The following RET variants were observed in gnomAD, a reference collection of about 807,000 sequenced individuals.
RET encodes proto-oncogene tyrosine-protein kinase receptor Ret.
A neutral mutation model predicts 118.3 loss-of-function variants in RET; 19 were observed. That is an observed-to-expected ratio of 0.16 (90% CI 0.11 to 0.24). The LOEUF (loss-of-function observed/expected upper bound fraction) is 0.24, where lower values mean the gene tolerates loss of function less well. Ranked by LOEUF, RET falls within the 10% of genes least tolerant of loss-of-function variation. The probability of loss-of-function intolerance (pLI) is 1.00; values close to 1 mark genes in which losing one functional copy is unlikely to be tolerated. For synonymous variants in RET, 597 were observed against 644.1 expected (o/e 0.93, Z 1.11); for missense variants, 1,219 against 1,502.1 (o/e 0.81, Z 3.12).
Position 43,129,077 on chromosome 10 carries a change from A to T in RET, c.*808A>T. ...TGAGCAGCCACTACCCCTGATGAGA[A>T]CAGTATGAAGAAAGGGGGCTGTTGG... is the stretch of plus-strand genomic sequence containing the variant. On this transcript the variant is annotated 3_prime_UTR_variant, in exon 20 of 20. Transcript: ENST00000355710. 4.3e-6 allele frequency: 1 copy of T among 233,660 alleles called. No individual in the cohort carries two copies. Among genetic ancestry groups the T allele is most frequent in the Non-Finnish European group, 8.5e-6 (1 of 118,216 alleles). The allele number at this position is 233,660 out of a possible 1,614,324, so 14.5% of individuals were successfully genotyped here. A position where few individuals can be genotyped will look rare whatever the true frequency, so the allele number is the denominator to read the frequency against.
In RET at chr10:43,129,649, T is replaced by TA. The variant is rs1838406657; in HGVS notation, c.*1383dup. The TA allele has an allele frequency of 3.6e-6, 1 of 274,426 alleles. No homozygotes were observed. 17.0% of individuals were successfully genotyped at this position (274,426 alleles called of 1,614,324 possible). ...CAAAACACTGCCTGCTCTTCAGACTTAAAGCACTGATAGGACTTAAAATAG... is the reference window on the plus strand; with the variant it reads ...CAAAACACTGCCTGCTCTTCAGACTTAAAAGCACTGATAGGACTTAAAATAG... On this transcript the variant is annotated 3_prime_UTR_variant, in exon 20 of 20. Transcript: ENST00000355710.
In RET at chr10:43,112,129, C is replaced by T. The variant is rs2132797325; in HGVS notation, c.1553C>T (p.Ser518Phe). The change falls in exon 8 of 20, where the codon TCC becomes TTC. Residue 518 changes from serine to phenylalanine, a missense_variant. Transcript: ENST00000355710. ...YVAEEAGCPLSCAVSKRRLEC... is the reference protein window; with the variant it reads ...YVAEEAGCPLFCAVSKRRLEC... ...GCCGAGGAGGCGGGCTGCCCCCTGT[C>T]CTGTGCAGTCAGCAAGAGACGGCTG... is the stretch of plus-strand genomic sequence containing the variant. 1.2e-6 allele frequency: 2 copies of T among 1,601,066 alleles called. No individual in the cohort carries two copies. Among genetic ancestry groups the T allele is most frequent in the Non-Finnish European group, 1.7e-6 (2 of 1,173,860 alleles).
At position 43,105,027 on chromosome 10, in the gene RET, G is replaced by C; in HGVS notation, c.701G>C (p.Arg234Pro). ...CGCTGGGCCCTGGACCGCGAGCAGC[G>C]GGAGAAGTACGAGCTGGTGGCCGTG... ...STRWALDREQ[R>P]EKYELVAVCT... The change falls in exon 4 of 20, where the codon CGG becomes CCG. Residue 234 changes from arginine to proline, a missense_variant. Arg to Pro is a moderately radical substitution (Grantham distance 103). This residue lies in a region of RET where 850 missense variants were observed against 969.6 expected (regional missense o/e 0.88). Transcript: ENST00000355710. The C allele has an allele frequency of 6.2e-7, 1 of 1,603,448 alleles. No homozygotes were observed. Among genetic ancestry groups the C allele is most frequent in the Non-Finnish European group, 8.5e-7 (1 of 1,178,656 alleles).
intron 6 of RET, 142 bp from the exon 7 acceptor site, chr10:43,111,065 G>T: frequency 1.7e-6 from 2 of 1,165,538 alleles, no homozygotes; most frequent in East Asian, 2.5e-5. Flanking sequence ...GAGGGGTGGA[G>T]GACAGGGTGC....
intron 1 of RET, among the ~76,000 whole-genome samples, chr10:43,097,622 G>A (rs946625347): frequency 1.3e-5 from 2 of 152,138 alleles, no homozygotes; most frequent in Non-Finnish European, 2.9e-5. Context: ...ACCCTCTGTC[G>A]CCAGAAATGC....
At chr10:43,079,538 T>A (rs917932752) in intron 1 of RET, among the ~76,000 whole-genome samples, 1 of 152,200 alleles carries the variant, frequency 6.6e-6, no homozygotes, top group Non-Finnish European at 1.5e-5. Context: ...GGAAACTGAG[T>A]CTCAGCTTCT....
chr10:43,086,562 G>A (rs1837292608), intron 1 of RET, among the ~76,000 whole-genome samples: 1 of 152,222 alleles, frequency 6.6e-6, no homozygotes, highest in Non-Finnish European at 1.5e-5. Context: ...AATCAGCTGG[G>A]GCAGACTCTA....
intron 1 of RET, among the ~76,000 whole-genome samples, chr10:43,080,201 TATG>T (rs1800760130): frequency 6.6e-6 from 1 of 152,170 alleles, no homozygotes; most frequent in African/African-American, 2.4e-5. Flanking sequence ...AATTAAAAAT[TATG>T]ATATCTGTTA....
Position 43,102,453 on chromosome 10 carries a change from T to G in RET, c.449T>G (p.Phe150Cys). The stretch of plus-strand genomic sequence containing the variant: ...TGTGCCCGCGTATACTTCTCCTTCT[T>G]CAACACCTCCTTTCCAGCCTGCAGC... ...PGCARVYFSF[F>C]NTSFPACSSL... Residue 150 changes from phenylalanine (F) to cysteine (C), a missense_variant, in exon 3 of 20, where the codon TTC (phenylalanine) becomes TGC (cysteine). This residue lies in a region of RET where 850 missense variants were observed against 969.6 expected (regional missense o/e 0.88). Transcript: ENST00000355710. 1 of 1,614,236 alleles carries G rather than the reference T, an allele frequency of 6.2e-7. No individual in the cohort carries two copies. The highest frequency in any genetic ancestry group is 1.1e-5 in the South Asian group (1 of 91,084).
chr10:43,080,112 T>TC (rs1328811746), intron 1 of RET, among the ~76,000 whole-genome samples: 1 of 152,238 alleles, frequency 6.6e-6, no homozygotes, highest in Non-Finnish European at 1.5e-5. Flanking sequence ...AATCACTGTT[T>TC]CCTTGGTGGT....
chr10:43,113,400 G>A (rs1031838122), intron 9 of RET, among the ~76,000 whole-genome samples, 156 bp from the exon 10 acceptor site: 1 of 152,190 alleles, frequency 6.6e-6, no homozygotes, highest in Admixed American at 6.5e-5. Context: ...ACCAAGCCCT[G>A]CCCGGCTAAG....
Position 43,077,276 on chromosome 10 carries a change from CGGTGCCGCGGGGCTGCGTCT to C in RET, c.20_39del (p.Gly7AlafsTer48). The C allele has an allele frequency of 6.6e-7, 1 of 1,506,450 alleles. No individual in the cohort carries two copies. The highest frequency in any genetic ancestry group is 8.8e-7 in the Non-Finnish European group (1 of 1,133,110). 93.3% of individuals were successfully genotyped at this position (1,506,450 alleles called of 1,614,324 possible). On this transcript the variant is annotated frameshift_variant, in exon 1 of 20. Transcript: ENST00000355710. LOFTEE classifies it high-confidence loss of function. ...CACGGGCGATGGCGAAGGCGACGTC[CGGTGCCGCGGGGCTGCGTCT>C]GCTGTTGCTGCTGCTGCTGCCGCTG...
intron 18 of RET, 42 bp downstream of exon 18, chr10:43,125,024 G>A (rs754685573): frequency 6.3e-7 from 1 of 1,586,450 alleles, no homozygotes. Context: ...AAAGTGGCTT[G>A]GGGAGACTCC....
chr10:43,120,021 G>A (rs1160477471), intron 14 of RET, 60 bp from the exon 15 acceptor site: 12 of 1,605,336 alleles, frequency 7.5e-6, no homozygotes, highest in Admixed American at 5.1e-5. Flanking sequence ...ACACCAGGCT[G>A]AGCCAGTGAC....
At chr10:43,102,030 CT>C (rs1837652426) in intron 2 of RET, among the ~76,000 whole-genome samples, 1 of 152,174 alleles carries the variant, frequency 6.6e-6, no homozygotes, top group Non-Finnish European at 1.5e-5. Context: ...CTGGTCACCC[CT>C]TACTGGAGAA....
chr10:43,102,268 TC>T, intron 2 of RET, 73 bp from the exon 3 acceptor site: 1 of 1,584,020 alleles, frequency 6.3e-7, no homozygotes, highest in Non-Finnish European at 8.6e-7. Flanking sequence ...GCCCTGGAGC[TC>T]CTGCCTCCTC....
In RET at chr10:43,119,877, T is replaced by C. The variant is rs142383168; in HGVS notation, c.2607+132T>C. On this transcript the variant is annotated intron_variant, in intron 14 of 19. Transcript: ENST00000355710. ...ACTCTAGCCCACCATGCCCCTGCCA[T>C]GGCATGCCATGCTATGGCTCACCAC... 216 of 1,258,040 alleles carry C rather than the reference T, an allele frequency of 1.7e-4. 1 individual carries two copies. In the African/African-American group the frequency reaches 2.9e-3, roughly 17 times the overall value. The allele number at this position is 1,258,040 out of a possible 1,614,324, so 77.9% of individuals were successfully genotyped here.
At chr10:43,119,972 A>G (rs1588877586) in intron 14 of RET, 109 bp from the exon 15 acceptor site, 1 of 1,518,102 alleles carries the variant, frequency 6.6e-7, no homozygotes, top group East Asian at 2.4e-5. Context: ...AGGTCTCACC[A>G]GGCCGCTACC....
In RET at chr10:43,114,498, T is replaced by C. The variant is rs2132844396; in HGVS notation, c.1898T>C (p.Leu633Pro). ...EDIQDPLCDE[L>P]CRTVIAAAVL... The stretch of plus-strand genomic sequence containing the variant: ...CCCACAGATCCACTGTGCGACGAGC[T>C]GTGCCGCACGGTGATCGCAGCCGCT... The change falls in exon 11 of 20, where the codon CTG becomes CCG. Residue 633 changes from leucine to proline, a missense_variant. By Grantham distance (98) the Leu-to-Pro change is moderately conservative. Coordinates refer to ENST00000355710, the MANE Select transcript of RET (RefSeq NM_020975.6). The surrounding 1 kb of genome is among the most constrained non-coding windows in gnomAD (Gnocchi z 4.6). 1 of 1,607,726 alleles carries C rather than the reference T, an allele frequency of 6.2e-7. No homozygotes were observed. The highest frequency in any genetic ancestry group is 8.5e-7 in the Non-Finnish European group (1 of 1,179,972).
Sources: gnomAD v4.1 joint callset for allele counts (sites outside exome capture counted in the v4.1 genomes callset) on GRCh38, gnomAD v4.1.1 for gene constraint, gnomAD v4.1.1 regional missense constraint, Gnocchi (gnomAD v3.1) non-coding constraint, MANE v1.5 for transcripts, NCBI Gene and HGNC (gene_info 2026-07-23, HGNC 2026-07-21) for gene names.